Variants in KIRREL3 observed in about 807,000 individuals in gnomAD.
KIRREL3 encodes kirre like nephrin family adhesion molecule 3.
A neutral mutation model predicts 89.7 loss-of-function variants in KIRREL3; 36 were observed. The observed-to-expected ratio is 0.40, with a 90% CI of 0.31 to 0.53. The LOEUF (loss-of-function observed/expected upper bound fraction) is 0.53. Ranked by LOEUF, KIRREL3 falls within the 20% of genes least tolerant of loss-of-function variation. KIRREL3 has a pLI of 0.49. For missense variants in KIRREL3, 864 were observed against 1,056.6 expected (o/e 0.82, Z 2.53); for synonymous variants, 445 against 441.4 (o/e 1.01, Z -0.10).
In KIRREL3 at chr11:126,519,855, G is replaced by A. The variant is rs1208713757; in HGVS notation, c.433+1460C>T. On this transcript the variant is annotated intron_variant, in intron 4 of 16. Coordinates refer to ENST00000525144, the MANE Select transcript of KIRREL3 (RefSeq NM_032531.4). The surrounding 1 kb of genome is among the most constrained non-coding windows in gnomAD (Gnocchi z 4.3). ...ATTCTCATTTTAGTCACCGTCTTGG[G>A]AGAAATGAGAACGGCGCTGCTGCCT... Among the ~76,000 whole-genome samples, 2 of 152,172 alleles carry A rather than the reference G, an allele frequency of 1.3e-5. No homozygotes were observed. The highest frequency in any genetic ancestry group is 2.9e-5 in the Non-Finnish European group (2 of 68,036).
rs1326459411 is a variant in KIRREL3, at chr11:126,990,415, G to A, written c.55+10040C>T. On this transcript the variant is annotated intron_variant, in intron 1 of 16. Transcript: ENST00000525144. This position sits in a 1 kb window ranked among gnomAD's most constrained non-coding sequence, Gnocchi z 6.3. ...AACGTTGCCCTCACCACCCAGAGGC[G>A]AGGAGGAGAGCCCCCCATCCCTCCC... 1.3e-5 allele frequency among the ~76,000 whole-genome samples: 2 copies of A among 151,540 alleles called. No individual in the cohort carries two copies. Among genetic ancestry groups the A allele is most frequent in the Admixed American group, 6.6e-5 (1 of 15,256 alleles).
Position 126,430,849 on chromosome 11 carries a change from T to A in KIRREL3, c.1696+570A>T, listed in dbSNP as rs1045548403. On this transcript the variant is annotated intron_variant, in intron 14 of 16. Coordinates refer to ENST00000525144, the MANE Select transcript of KIRREL3 (RefSeq NM_032531.4). The surrounding 1 kb of genome is among the most constrained non-coding windows in gnomAD (Gnocchi z 6.6). ...CATTGTCTTCACCTGTTCTCTGCCATCCAATCTCTCACACGTTATCTCCTC... is the reference window on the plus strand; with the variant it reads ...CATTGTCTTCACCTGTTCTCTGCCAACCAATCTCTCACACGTTATCTCCTC... 1 of 414,022 alleles carries A rather than the reference T, an allele frequency of 2.4e-6. No individual in the cohort carries two copies. The allele number at this position is 414,022 out of a possible 1,614,324, so 25.6% of individuals were successfully genotyped here. A position where few individuals can be genotyped will look rare whatever the true frequency, so the allele number is the denominator to read the frequency against.
rs546264056 is a variant in KIRREL3, at chr11:126,463,464, G to T, written c.592-157C>A. Among the ~76,000 whole-genome samples, 1 of 152,222 alleles carries T rather than the reference G, an allele frequency of 6.6e-6. No homozygotes were observed. The highest frequency in any genetic ancestry group is 1.9e-4 in the East Asian group (1 of 5,192). On this transcript the variant is annotated intron_variant, in intron 5 of 16. Transcript: ENST00000525144. The surrounding 1 kb of genome is among the most constrained non-coding windows in gnomAD (Gnocchi z 5.9). Reference sequence around the variant, plus strand: ...CCTGGGCTGCCCATGTCTACGCAGAGCTCGGGGGTTACCCCCTGGCTCCCT... The same window carrying T: ...CCTGGGCTGCCCATGTCTACGCAGATCTCGGGGGTTACCCCCTGGCTCCCT...
rs1467966197 is a variant in KIRREL3 at position 126,435,226 on chromosome 11, T to G, written c.1588+42A>C. On this transcript the variant is annotated intron_variant, in intron 13 of 16. Coordinates refer to ENST00000525144, the MANE Select transcript of KIRREL3 (RefSeq NM_032531.4). Reference sequence around the variant, plus strand: ...CCTCCCCAGCTAGCCAGGAAGTCCCTTCCCCCCTTCCCAGGGCCATTCTCA... The same window carrying G: ...CCTCCCCAGCTAGCCAGGAAGTCCCGTCCCCCCTTCCCAGGGCCATTCTCA... 1.9e-6 allele frequency: 3 copies of G among 1,609,350 alleles called. No individual in the cohort carries two copies. In the African/African-American group the frequency reaches 4.0e-5, roughly 22 times the overall value.
intron 1 of KIRREL3, among the ~76,000 whole-genome samples, chr11:126,621,036 A>G (rs1943555692): frequency 6.6e-6 from 1 of 152,260 alleles, no homozygotes; most frequent in Non-Finnish European, 1.5e-5. Flanking sequence ...TGCAAAGGGC[A>G]AAGTCATCTT....
At chr11:126,663,182 C>CTTTTTTT (rs61217908) in intron 1 of KIRREL3, among the ~76,000 whole-genome samples, 10 of 90,800 alleles carry the variant, frequency 1.1e-4, no homozygotes, top group Admixed American at 1.5e-4. Context: ...TCATGTCTGG[C>CTTTTTTT]TTTTTTTTTT....
rs545607634 is a variant in KIRREL3 at position 126,998,909 on chromosome 11, G to A, written c.55+1546C>T. ...GAGTGAACTGGTAAGAAGCAAAGAC[G>A]AATGGGAGTGTGTGTGTGTGTGTGT... On this transcript the variant is annotated intron_variant, in intron 1 of 16. Coordinates refer to ENST00000525144, the MANE Select transcript of KIRREL3 (RefSeq NM_032531.4). 4.9e-5 allele frequency among the ~76,000 whole-genome samples: 7 copies of A among 143,132 alleles called. No homozygotes were observed. The East Asian group carries it at 8.3e-4, about 17-fold the overall frequency. 93.9% of individuals were successfully genotyped at this position (143,132 alleles called of 152,430 possible). A position where few individuals can be genotyped will look rare whatever the true frequency, so the allele number is the denominator to read the frequency against.
chr11:126,434,165 C>A (rs758710707), intron 13 of KIRREL3, among the ~76,000 whole-genome samples: 1 of 152,258 alleles, frequency 6.6e-6, no homozygotes, highest in Non-Finnish European at 1.5e-5. Flanking sequence ...CCCCTCCTCT[C>A]TGCACAGAGC....
chr11:126,665,812 G>T (rs1945636396), intron 1 of KIRREL3, among the ~76,000 whole-genome samples: 1 of 152,214 alleles, frequency 6.6e-6, no homozygotes, highest in Non-Finnish European at 1.5e-5. Context: ...TGGACCTGAG[G>T]TCTGCCTGCA....
intron 2 of KIRREL3, among the ~76,000 whole-genome samples, chr11:126,554,427 A>G (rs56776490): frequency 0.044 from 6,663 of 152,238 alleles, 475 homozygotes; most frequent in African/African-American, 0.15. Flanking sequence ...CTTTCTGGGG[A>G]CCAAGACAAG....
chr11:126,682,517 G>A lies in KIRREL3; in HGVS notation c.56-119605C>T, dbSNP rs1372272636. 6.6e-6 allele frequency among the ~76,000 whole-genome samples: 1 copy of A among 152,142 alleles called. No individual in the cohort carries two copies. The highest frequency in any genetic ancestry group is 6.5e-5 in the Admixed American group (1 of 15,274). On this transcript the variant is annotated intron_variant, in intron 1 of 16. Coordinates refer to ENST00000525144, the MANE Select transcript of KIRREL3 (RefSeq NM_032531.4). This position sits in a 1 kb window ranked among gnomAD's most constrained non-coding sequence, Gnocchi z 4.8. ...CTCAAATGAGTGATGACCTCTGAGT[G>A]CGGAGCTTTTTTGTCAATTTTTTAA...
In KIRREL3 at chr11:126,475,754, C is replaced by T. The variant is rs577132790; in HGVS notation, c.434-2288G>A. 7.7e-4 allele frequency among the ~76,000 whole-genome samples: 117 copies of T among 152,360 alleles called. No homozygotes were observed. Among genetic ancestry groups the T allele is most frequent in the Admixed American group, 2.1e-3 (32 of 15,310 alleles). ...GGGTGGGCCTGGCCACAGGGCAAAACGGAGGCGGCTCAGGGCTTTCCACCA... is the reference window on the plus strand; with the variant it reads ...GGGTGGGCCTGGCCACAGGGCAAAATGGAGGCGGCTCAGGGCTTTCCACCA... On this transcript the variant is annotated intron_variant, in intron 4 of 16. Coordinates refer to ENST00000525144, the MANE Select transcript of KIRREL3 (RefSeq NM_032531.4). This position sits in a 1 kb window ranked among gnomAD's most constrained non-coding sequence, Gnocchi z 7.5.
intron 9 of KIRREL3, among the ~76,000 whole-genome samples, chr11:126,446,283 C>CTCTCTCTCTCT (rs1555106433): frequency 0.15 from 16,719 of 114,306 alleles, 1,328 homozygotes; most frequent in Non-Finnish European, 0.2. Context: ...TCTTTTCTTT[C>CTCTCTCTCTCT]TCCTTTCTTT....
intron 1 of KIRREL3, among the ~76,000 whole-genome samples, chr11:126,857,585 TC>T (rs1376660836): frequency 1.3e-5 from 2 of 152,160 alleles, no homozygotes; most frequent in Non-Finnish European, 2.9e-5. Context: ...GAATCCTTGC[TC>T]AGGGTCTGCC....
chr11:126,523,228 CGCCTCTCAGGGATGTT>C lies in KIRREL3; in HGVS notation c.284-1780_284-1765del, dbSNP rs1958650034. Among the ~76,000 whole-genome samples the C allele has an allele frequency of 6.6e-6, 1 of 152,046 alleles. No individual in the cohort carries two copies. The highest frequency in any genetic ancestry group is 1.5e-5 in the Non-Finnish European group (1 of 68,010). On this transcript the variant is annotated intron_variant, in intron 3 of 16. Coordinates refer to ENST00000525144, the MANE Select transcript of KIRREL3 (RefSeq NM_032531.4). The surrounding 1 kb of genome is among the most constrained non-coding windows in gnomAD (Gnocchi z 4.9). ...TGTATTCAAGCAGAGGTTGGATGATCGCCTCTCAGGGATGTTGCAGAGGTGATTTCTACACCGGGTG... is the reference window on the plus strand; with the variant it reads ...TGTATTCAAGCAGAGGTTGGATGATCGCAGAGGTGATTTCTACACCGGGTG...
rs1956589199 is a variant in KIRREL3, at chr11:126,462,769, A to G, written c.742+388T>C. Among the ~76,000 whole-genome samples, 1 of 152,148 alleles carries G rather than the reference A, an allele frequency of 6.6e-6. No homozygotes were observed. Among genetic ancestry groups the G allele is most frequent in the Non-Finnish European group, 1.5e-5 (1 of 68,016 alleles). ...AGAGTGGCTGGTGCACCCTCTCCAG[A>G]GCACAGCGCTGCTTGCCAATTCTGA... On this transcript the variant is annotated intron_variant, in intron 6 of 16. Transcript: ENST00000525144. The surrounding 1 kb of genome is among the most constrained non-coding windows in gnomAD (Gnocchi z 4.8).
Position 126,520,161 on chromosome 11 carries a change from C to T in KIRREL3, c.433+1154G>A, listed in dbSNP as rs949326698. Among the ~76,000 whole-genome samples, 8 of 152,150 alleles carry T rather than the reference C, an allele frequency of 5.3e-5. No individual in the cohort carries two copies. Among genetic ancestry groups the T allele is most frequent in the African/African-American group, 1.9e-4 (8 of 41,420 alleles). ...CCATGTAGATCTGAAGATAACCTGA[C>T]ATGCTTTTAAATATTTCATCTCTGA... On this transcript the variant is annotated intron_variant, in intron 4 of 16. Coordinates refer to ENST00000525144, the MANE Select transcript of KIRREL3 (RefSeq NM_032531.4). The surrounding 1 kb of genome is among the most constrained non-coding windows in gnomAD (Gnocchi z 4.9).
Position 126,905,504 on chromosome 11 carries a change from G to A in KIRREL3, c.55+94951C>T, listed in dbSNP as rs1165668029. Reference sequence around the variant, plus strand: ...AGTCTAAGCCCATAAGGCAATTTGTGGCATTTACTGTTCATCGCTCAGGGG... The same window carrying A: ...AGTCTAAGCCCATAAGGCAATTTGTAGCATTTACTGTTCATCGCTCAGGGG... On this transcript the variant is annotated intron_variant, in intron 1 of 16. Transcript: ENST00000525144. This position sits in a 1 kb window ranked among gnomAD's most constrained non-coding sequence, Gnocchi z 5.0. 6.6e-6 allele frequency among the ~76,000 whole-genome samples: 1 copy of A among 152,108 alleles called. No homozygotes were observed. Among genetic ancestry groups the A allele is most frequent in the Non-Finnish European group, 1.5e-5 (1 of 68,006 alleles).
rs1940694735 is a variant in KIRREL3 at position 126,568,656 on chromosome 11, C to T, written c.56-5744G>A. On this transcript the variant is annotated intron_variant, in intron 1 of 16. Transcript: ENST00000525144. This position sits in a 1 kb window ranked among gnomAD's most constrained non-coding sequence, Gnocchi z 4.6. ...CACTTACCAGTGAGCAACTCTTAGGCTTCTCTGAGCTTTGGTTTCCTCATT... is the reference window on the plus strand; with the variant it reads ...CACTTACCAGTGAGCAACTCTTAGGTTTCTCTGAGCTTTGGTTTCCTCATT... 6.6e-6 allele frequency among the ~76,000 whole-genome samples: 1 copy of T among 152,194 alleles called. No individual in the cohort carries two copies. Among genetic ancestry groups the T allele is most frequent in the African/African-American group, 2.4e-5 (1 of 41,460 alleles).
Sources: allele counts gnomAD v4.1 joint callset (sites outside exome capture counted in the v4.1 genomes callset), GRCh38; gene constraint gnomAD v4.1.1; non-coding constraint Gnocchi (gnomAD v3.1); transcripts MANE v1.5; gene names NCBI Gene and HGNC (gene_info 2026-07-23, HGNC 2026-07-21).